Variants in ATP9B observed in about 807,000 individuals in gnomAD.
ATP9B encodes the protein ATPase phospholipid transporting 9B, also known as probable phospholipid-transporting ATPase IIB.
Under a neutral mutation model 146.1 loss-of-function variants are expected in ATP9B, and 110 were observed. The observed-to-expected ratio is 0.75, with a 90% CI of 0.65 to 0.88. The LOEUF (loss-of-function observed/expected upper bound fraction) is 0.88, where lower values mean the gene tolerates loss of function less well. ATP9B is among the 40% of genes least tolerant of loss of function. The pLI is 0.00. For synonymous variants in ATP9B, 604 were observed against 569.7 expected (o/e 1.06, Z -0.86); for missense variants, 1,499 against 1,496.4 (o/e 1.00, Z -0.03).
chr18:79,248,753 A>G (rs760309935), intron 11 of ATP9B, among the ~76,000 whole-genome samples: 3 of 152,246 alleles, frequency 2.0e-5, no homozygotes, highest in African/African-American at 7.2e-5. Flanking sequence ...TAAATTGGCT[A>G]TTTGAAGTTT....
chr18:79,307,317 G>A, intron 15 of ATP9B, 83 bp downstream of exon 15: 1 of 1,569,808 alleles, frequency 6.4e-7, no homozygotes, highest in Non-Finnish European at 8.7e-7. Flanking sequence ...TCTGGGATGG[G>A]GAATATAGAG....
chr18:79,346,035 C>T (rs528623736), intron 23 of ATP9B, among the ~76,000 whole-genome samples, 196 bp downstream of exon 23: 14 of 152,194 alleles, frequency 9.2e-5, no homozygotes, highest in African/African-American at 3.4e-4. Context: ...GCACAGTCAG[C>T]ACACACTCGG....
Position 79,302,340 on chromosome 18 carries a change from C to T in ATP9B, c.1412-1264C>T, listed in dbSNP as rs191272945. 2.6e-3 allele frequency among the ~76,000 whole-genome samples: 399 copies of T among 152,110 alleles called. 2 individuals are homozygous for T. Among genetic ancestry groups the T allele is most frequent in the Middle Eastern group, 6.8e-3 (2 of 294 alleles). ...GTTGTGAAATAAGTGCACACACCCCCCGGGGACAAGGTGAAAGCACCACGC... is the reference window on the plus strand; with the variant it reads ...GTTGTGAAATAAGTGCACACACCCCTCGGGGACAAGGTGAAAGCACCACGC... On this transcript the variant is annotated intron_variant, in intron 13 of 29. Coordinates refer to ENST00000426216, the MANE Select transcript of ATP9B (RefSeq NM_198531.5).
At chr18:79,130,105 C>T (rs1413803111) in intron 5 of ATP9B, among the ~76,000 whole-genome samples, 1 of 152,180 alleles carries the variant, frequency 6.6e-6, no homozygotes, top group African/African-American at 2.4e-5. Flanking sequence ...GGCCCACTCC[C>T]AGAAGAAGGT....
chr18:79,117,208 G>A (rs970324214), intron 4 of ATP9B: 2 of 152,146 alleles, frequency 1.3e-5, no homozygotes, highest in African/African-American at 4.8e-5. Context: ...TCAATATTGA[G>A]CTCCTTCATG....
chr18:79,228,539 C>T (rs2095757897), intron 11 of ATP9B, among the ~76,000 whole-genome samples: 1 of 152,154 alleles, frequency 6.6e-6, no homozygotes, highest in Admixed American at 6.5e-5. Flanking sequence ...GAAATAAACA[C>T]AGTCTTTAAA....
chr18:79,315,955 A>G (rs2096677386), intron 15 of ATP9B, among the ~76,000 whole-genome samples: 2 of 152,240 alleles, frequency 1.3e-5, no homozygotes, highest in Non-Finnish European at 1.5e-5. Context: ...TTGACAGCTC[A>G]GTATCAGAGA....
At chr18:79,179,751 A>G (rs1162321315) in intron 8 of ATP9B, among the ~76,000 whole-genome samples, 1 of 152,236 alleles carries the variant, frequency 6.6e-6, no homozygotes, top group African/African-American at 2.4e-5. Context: ...AAGCTTTAAA[A>G]TAATGTTTGT....
intron 15 of ATP9B, among the ~76,000 whole-genome samples, chr18:79,324,696 G>GC (rs1239223461): frequency 7.7e-5 from 9 of 117,344 alleles, no homozygotes; most frequent in Non-Finnish European, 1.7e-4. Flanking sequence ...AAGAGTAAAG[G>GC]CTCTTTTCCC....
intron 15 of ATP9B, among the ~76,000 whole-genome samples, chr18:79,309,628 C>CA (rs1219648706): frequency 1.4e-5 from 2 of 145,138 alleles, no homozygotes; most frequent in Non-Finnish European, 3.0e-5. Flanking sequence ...TGATCCCCAG[C>CA]AGGTAGAAGG....
chr18:79,174,638 A>G (rs2095132907), intron 7 of ATP9B, among the ~76,000 whole-genome samples: 1 of 152,216 alleles, frequency 6.6e-6, no homozygotes, highest in Non-Finnish European at 1.5e-5. Flanking sequence ...AATATCTGAT[A>G]TTCTAGATTG....
intron 15 of ATP9B, 133 bp from the exon 16 acceptor site, chr18:79,329,008 A>G (rs1050517696): frequency 1.1e-6 from 1 of 946,134 alleles, no homozygotes; most frequent in South Asian, 2.8e-5. Context: ...CGTGAAAACA[A>G]AAAGTTCTGA....
At chr18:79,370,187 T>C (rs55982914) in intron 26 of ATP9B, among the ~76,000 whole-genome samples, 34,534 of 152,264 alleles carry the variant, frequency 0.23, 4,539 homozygotes, top group East Asian at 0.45. Context: ...GAATCCGTAA[T>C]ATTTAATGGT....
chr18:79,135,816 ATTTT>A (rs1568250764), intron 5 of ATP9B, among the ~76,000 whole-genome samples: 1 of 151,946 alleles, frequency 6.6e-6, no homozygotes, highest in Non-Finnish European at 1.5e-5. Flanking sequence ...TTTTGAGTCT[ATTTT>A]TGTCTACTGT....
At chr18:79,250,763 T>C (rs998275187) in intron 11 of ATP9B, among the ~76,000 whole-genome samples, 7 of 152,162 alleles carry the variant, frequency 4.6e-5, no homozygotes, top group Non-Finnish European at 7.3e-5. Context: ...CGCAGCAGCG[T>C]TGGGAACTTC....
At chr18:79,151,173 G>T (rs952665540) in intron 6 of ATP9B, among the ~76,000 whole-genome samples, 1 of 152,094 alleles carries the variant, frequency 6.6e-6, no homozygotes, top group East Asian at 1.9e-4. Flanking sequence ...TTGAATACTC[G>T]CATTTCACTA....
intron 4 of ATP9B, 72 bp downstream of exon 4, chr18:79,113,426 T>C: frequency 1.0e-6 from 1 of 967,210 alleles, no homozygotes; most frequent in South Asian, 1.5e-5. Context: ...TTGAGATGGT[T>C]AAAAGTTAAA....
rs531906090 is a variant in ATP9B at position 79,303,886 on chromosome 18, G to C, written c.1524+170G>C. On this transcript the variant is annotated intron_variant, in intron 14 of 29. Coordinates refer to ENST00000426216, the MANE Select transcript of ATP9B (RefSeq NM_198531.5). ...TACGAATCAGGAAATCGTCTTTGATGAGCATTTGTACATGAGTGAAATCGT... is the reference window on the plus strand; with the variant it reads ...TACGAATCAGGAAATCGTCTTTGATCAGCATTTGTACATGAGTGAAATCGT... Among the ~76,000 whole-genome samples, 5 of 152,234 alleles carry C rather than the reference G, an allele frequency of 3.3e-5. No homozygotes were observed. The South Asian group carries it at 1.0e-3, about 32-fold the overall frequency.
chr18:79,168,867 G>T lies in ATP9B; in HGVS notation c.779-7946G>T, dbSNP rs543340824. ...TTTCTCAATGAGCCAAGCACCCAGT[G>T]TGTGCTTGTATTAAATCTCTTCCAT... On this transcript the variant is annotated intron_variant, in intron 7 of 29. Transcript: ENST00000426216. 1.3e-4 allele frequency among the ~76,000 whole-genome samples: 20 copies of T among 152,144 alleles called. No homozygotes were observed. The South Asian group carries it at 4.2e-3, about 32-fold the overall frequency.
Sources: allele counts gnomAD v4.1 joint callset (sites outside exome capture counted in the v4.1 genomes callset), GRCh38; gene constraint gnomAD v4.1.1; transcripts MANE v1.5; gene names NCBI Gene and HGNC (gene_info 2026-07-23, HGNC 2026-07-21).